The following SEC24A variants were observed in gnomAD, a reference collection of about 807,000 sequenced individuals.
SEC24A encodes the protein SEC24 homolog A, COPII component.
SEC24A carries 93 observed loss-of-function variants against 129.4 expected under a neutral mutation model. The ratio of observed to expected loss-of-function variants is 0.72; its 90% CI spans 0.61 to 0.85. The LOEUF is 0.85. Among genes scored for constraint, SEC24A ranks in the 40% least tolerant of loss-of-function variants. The pLI, the probability that SEC24A is intolerant of heterozygous loss-of-function variation, is 0.00. For missense variants in SEC24A, 1,264 were observed against 1,307.4 expected, an observed-to-expected ratio of 0.97 and a Z score of 0.51; for synonymous variants, 460 against 467.3, an observed-to-expected ratio of 0.98 and a Z score of 0.20.
chr5:134,677,271 C>A (rs894580920), intron 7 of SEC24A, among the ~76,000 whole-genome samples: 22 of 151,992 alleles, frequency 1.4e-4, no homozygotes, highest in African/African-American at 5.3e-4. Flanking sequence ...GATTGTACTA[C>A]TGCACTCCAG....
At chr5:134,661,063 C>A in intron 1 of SEC24A, 56 bp from the exon 2 acceptor site, 1 of 1,173,426 alleles carries the variant, frequency 8.5e-7, no homozygotes, top group Non-Finnish European at 1.2e-6. Flanking sequence ...TACTTTATTT[C>A]TTAAAGTATT....
At chr5:134,713,086 A>T (rs1187885995) in intron 18 of SEC24A, among the ~76,000 whole-genome samples, 1 of 139,438 alleles carries the variant, frequency 7.2e-6, no homozygotes, top group South Asian at 2.3e-4. Flanking sequence ...CGCCCACCAC[A>T]ATGCCCGGCT....
chr5:134,684,988 A>G (rs926169816), intron 9 of SEC24A, among the ~76,000 whole-genome samples: 1 of 152,208 alleles, frequency 6.6e-6, no homozygotes, highest in Non-Finnish European at 1.5e-5. Flanking sequence ...GCAAAAATAT[A>G]TAAAAGTACA....
At chr5:134,649,529 G>T (rs1749976483) in intron 1 of SEC24A, among the ~76,000 whole-genome samples, 1 of 152,108 alleles carries the variant, frequency 6.6e-6, no homozygotes. Flanking sequence ...TAGAGAGCAG[G>T]ATGTGGGGTC....
chr5:134,712,386 G>T (rs2150109829), intron 18 of SEC24A, among the ~76,000 whole-genome samples: 1 of 151,842 alleles, frequency 6.6e-6, no homozygotes, highest in Non-Finnish European at 1.5e-5. Flanking sequence ...GAGTAGCTGG[G>T]ATTACAGGCA....
chr5:134,695,827 A>G (rs1161931660), intron 13 of SEC24A, among the ~76,000 whole-genome samples: 1 of 149,846 alleles, frequency 6.7e-6, no homozygotes, highest in Non-Finnish European at 1.5e-5. Context: ...GGCGGTGTGC[A>G]CCTGTAGTCC....
intron 15 of SEC24A, among the ~76,000 whole-genome samples, chr5:134,700,476 C>CCTGAG: frequency 6.6e-6 from 1 of 152,038 alleles, no homozygotes; most frequent in Middle Eastern, 3.4e-3. Context: ...ACCTCAGCCT[C>CCTGAG]CCAAAGTGCT....
chr5:134,676,032 A>G lies in SEC24A; in HGVS notation c.1161A>G (p.Arg387=), dbSNP rs1166137105. The change falls in exon 7 of 23, where the codon CGA becomes CGG. Residue 387 remains arginine, a synonymous_variant. Coordinates refer to ENST00000398844, the MANE Select transcript of SEC24A (RefSeq NM_021982.3). ...QKLNCNPELF[R]CTLTSIPQTQ... is the part of the protein sequence containing the mutation. ...TTTTACTTTGATATAGGTTATTTCGATGCACGCTGACTAGCATTCCTCAGA... is the reference window on the plus strand; with the variant it reads ...TTTTACTTTGATATAGGTTATTTCGGTGCACGCTGACTAGCATTCCTCAGA... 1 of 1,601,700 alleles carries G rather than the reference A, an allele frequency of 6.2e-7. No individual in the cohort carries two copies. The highest frequency in any genetic ancestry group is 2.2e-5 in the East Asian group (1 of 44,654).
intron 17 of SEC24A, among the ~76,000 whole-genome samples, chr5:134,707,923 G>T (rs1334922928): frequency 6.6e-6 from 1 of 151,860 alleles, no homozygotes; most frequent in Non-Finnish European, 1.5e-5. Flanking sequence ...GGCCAACTTG[G>T]TGAAACCCTA....
At chr5:134,695,814 G>A (rs567021872) in intron 13 of SEC24A, among the ~76,000 whole-genome samples, 1 of 151,314 alleles carries the variant, frequency 6.6e-6, no homozygotes, top group Non-Finnish European at 1.5e-5. Context: ...ATTAGCTGGG[G>A]GTGGCGGTGT....
chr5:134,659,425 A>T (rs1005328392), intron 1 of SEC24A, among the ~76,000 whole-genome samples: 2 of 152,148 alleles, frequency 1.3e-5, no homozygotes, highest in Non-Finnish European at 2.9e-5. Flanking sequence ...GAATTTAAAA[A>T]AATTATCCAT....
intron 11 of SEC24A, among the ~76,000 whole-genome samples, chr5:134,690,317 G>A (rs1222361307): frequency 6.6e-6 from 1 of 152,136 alleles, no homozygotes; most frequent in East Asian, 1.9e-4. Context: ...ACTGTGCCTG[G>A]CTATTACTAT....
chr5:134,649,006 A>C lies in SEC24A; in HGVS notation c.-71A>C, dbSNP rs1749953717. 5.4e-6 allele frequency: 6 copies of C among 1,117,024 alleles called. No homozygotes were observed. Among genetic ancestry groups the C allele is most frequent in the Non-Finnish European group, 7.9e-6 (6 of 759,220 alleles). 69.2% of individuals were successfully genotyped at this position (1,117,024 alleles called of 1,614,324 possible). ...TCGTTAGCCTCCTCCCTCCGCTTTCAGCAGTGGTCTTTCAGCTCTCTTCTT... is the reference window on the plus strand; with the variant it reads ...TCGTTAGCCTCCTCCCTCCGCTTTCCGCAGTGGTCTTTCAGCTCTCTTCTT... On this transcript the variant is annotated 5_prime_UTR_variant, in exon 1 of 23. Transcript: ENST00000398844.
At chr5:134,709,848 T>C (rs945252961) in intron 18 of SEC24A, among the ~76,000 whole-genome samples, 9 of 152,284 alleles carry the variant, frequency 5.9e-5, no homozygotes, top group South Asian at 2.1e-4. Context: ...TATTTTATTT[T>C]ATTTTATTTT....
intron 21 of SEC24A, among the ~76,000 whole-genome samples, chr5:134,722,127 G>A (rs1013941443): frequency 1.1e-4 from 17 of 152,172 alleles, no homozygotes; most frequent in Non-Finnish European, 1.8e-4. Context: ...ACTTGTTTTT[G>A]TAAATAAGGT....
chr5:134,649,220 A>G, intron 1 of SEC24A, 47 bp downstream of exon 1: 1 of 1,374,958 alleles, frequency 7.3e-7, no homozygotes, highest in Non-Finnish European at 1.0e-6. Flanking sequence ...GGGCTGACTG[A>G]CCTTTGCGTG....
At chr5:134,716,467 TAA>T (rs370950499) in intron 19 of SEC24A, among the ~76,000 whole-genome samples, 46 of 78,830 alleles carry the variant, frequency 5.8e-4, no homozygotes, top group Admixed American at 8.2e-4. Context: ...AGACTTTGTC[TAA>T]AAAAAAAAAA....
intron 2 of SEC24A, among the ~76,000 whole-genome samples, chr5:134,665,714 A>AC (rs1279168106): frequency 6.6e-6 from 1 of 151,652 alleles, no homozygotes; most frequent in East Asian, 1.9e-4. Context: ...CCACCACCAC[A>AC]CCTGGCTAAT....
At position 134,661,310 on chromosome 5, in the gene SEC24A, A is replaced by G; in HGVS notation, c.289A>G (p.Thr97Ala). 6.2e-7 allele frequency: 1 copy of G among 1,614,124 alleles called. No homozygotes were observed. Among genetic ancestry groups the G allele is most frequent in the Non-Finnish European group, 8.5e-7 (1 of 1,180,038 alleles). Residue 97 changes from threonine (T) to alanine (A), a missense_variant, in exon 2 of 23, where the codon ACA (threonine) becomes GCA (alanine). Thr to Ala is a moderately conservative substitution (Grantham distance 58). Transcript: ENST00000398844. ...NRPPVASNPV[T>A]PSLHSGPAPR... Reference sequence around the variant, plus strand: ...ACCACCTGTGGCCTCTAATCCAGTGACACCTTCGCTTCATAGTGGTCCTGC... The same window carrying G: ...ACCACCTGTGGCCTCTAATCCAGTGGCACCTTCGCTTCATAGTGGTCCTGC...
Sources: allele counts gnomAD v4.1 joint callset (sites outside exome capture counted in the v4.1 genomes callset), GRCh38; gene constraint gnomAD v4.1.1; transcripts MANE v1.5; gene names NCBI Gene and HGNC (gene_info 2026-07-23, HGNC 2026-07-21).